Variants in ARGLU1 observed in about 807,000 individuals in gnomAD.
The protein encoded by ARGLU1 is arginine and glutamate-rich protein 1.
In ARGLU1, 9 loss-of-function variants were observed where a neutral mutation model predicts 37.6. The observed-to-expected ratio is 0.24, with a 90% CI of 0.14 to 0.42. The LOEUF is 0.42. Among genes scored for constraint, ARGLU1 ranks in the 10% least tolerant of loss-of-function variants. ARGLU1 has a pLI of 1.00. For missense variants in ARGLU1, 211 were observed against 359.2 expected, an observed-to-expected ratio of 0.59 and a Z score of 3.34; for synonymous variants, 166 against 138.5, an observed-to-expected ratio of 1.20 and a Z score of -1.39.
In ARGLU1 at chr13:106,543,083, G is replaced by A. The variant is rs1291386551; in HGVS notation, c.*913C>T. ...ACAGGTTTGAGAATTTAAATCTTCT[G>A]GATGTTGTTAGTCTTTCTTAAAGGT... On this transcript the variant is annotated 3_prime_UTR_variant, in exon 4 of 4. Coordinates refer to ENST00000400198, the MANE Select transcript of ARGLU1 (RefSeq NM_018011.4). 2 of 151,948 alleles carry A rather than the reference G, an allele frequency of 1.3e-5. No homozygotes were observed. The highest frequency in any genetic ancestry group is 2.9e-5 in the Non-Finnish European group (2 of 67,932). 9.4% of individuals were successfully genotyped at this position (151,948 alleles called of 1,614,324 possible).
rs894128204 is a variant in ARGLU1, at chr13:106,557,500, T to C, written c.574-369A>G. 2.3e-6 allele frequency: 3 copies of C among 1,307,036 alleles called. No homozygotes were observed. The highest frequency in any genetic ancestry group is 3.1e-6 in the Non-Finnish European group (3 of 977,500). The allele number at this position is 1,307,036 out of a possible 1,614,324, so 81.0% of individuals were successfully genotyped here. ...GTGAATATTTGTCTCACCAATTATG[T>C]ATACCTACGTATTCTTTACCTATAC... On this transcript the variant is annotated intron_variant, in intron 2 of 3. Coordinates refer to ENST00000400198, the MANE Select transcript of ARGLU1 (RefSeq NM_018011.4). The surrounding 1 kb of genome is among the most constrained non-coding windows in gnomAD (Gnocchi z 5.0).
intron 3 of ARGLU1, among the ~76,000 whole-genome samples, chr13:106,546,946 T>C (rs1880405682): frequency 6.6e-6 from 1 of 152,160 alleles, no homozygotes; most frequent in African/African-American, 2.4e-5. Flanking sequence ...AGTATTAAGA[T>C]GTGGGGCATT....
chr13:106,551,257 C>T (rs1206706754), intron 3 of ARGLU1, among the ~76,000 whole-genome samples: 1 of 152,130 alleles, frequency 6.6e-6, no homozygotes. Context: ...CTTTTCTTGC[C>T]ACTTTACTAT....
intron 1 of ARGLU1, among the ~76,000 whole-genome samples, chr13:106,565,704 A>G (rs963553270): frequency 6.6e-6 from 1 of 152,210 alleles, no homozygotes; most frequent in East Asian, 1.9e-4. Context: ...AGACATTAGA[A>G]TATATTAAAT....
chr13:106,554,632 A>G (rs566583256), intron 3 of ARGLU1, among the ~76,000 whole-genome samples: 1 of 152,284 alleles, frequency 6.6e-6, no homozygotes, highest in East Asian at 1.9e-4. Context: ...CACGCCTGTA[A>G]TCCCAGCACT....
chr13:106,559,754 ATAT>A, intron 1 of ARGLU1, 97 bp from the exon 2 acceptor site: 1 of 1,300,578 alleles, frequency 7.7e-7, no homozygotes, highest in Admixed American at 2.5e-5. Flanking sequence ...ATTGAGCCTG[ATAT>A]TATTCAGTGA....
At chr13:106,544,277 A>G (rs1312547662) in intron 3 of ARGLU1, 117 bp from the exon 4 acceptor site, 1 of 815,232 alleles carries the variant, frequency 1.2e-6, no homozygotes, top group Non-Finnish European at 1.7e-6. Context: ...CAAATGCAAA[A>G]AAGGGGGTAA....
intron 3 of ARGLU1, among the ~76,000 whole-genome samples, chr13:106,552,890 C>T (rs112521745): frequency 2.5e-4 from 38 of 152,092 alleles, no homozygotes; most frequent in African/African-American, 8.2e-4. Context: ...GTTGACAAAC[C>T]AAATATCTTG....
intron 1 of ARGLU1, among the ~76,000 whole-genome samples, chr13:106,560,716 C>T (rs1353974390): frequency 1.3e-5 from 2 of 152,110 alleles, no homozygotes; most frequent in Non-Finnish European, 2.9e-5. Context: ...TGAATAAATT[C>T]TGAGGCTCTT....
intron 1 of ARGLU1, among the ~76,000 whole-genome samples, chr13:106,564,818 C>A (rs1343053278): frequency 6.6e-6 from 1 of 152,180 alleles, no homozygotes; most frequent in Non-Finnish European, 1.5e-5. Context: ...AGGCACCATT[C>A]TCTTATCCCC....
chr13:106,562,695 TAA>T (rs1880843137), intron 1 of ARGLU1, among the ~76,000 whole-genome samples: 1 of 152,056 alleles, frequency 6.6e-6, no homozygotes, highest in Non-Finnish European at 1.5e-5. Context: ...TCAGGTATTT[TAA>T]AAACACTAGT....
Position 106,557,161 on chromosome 13 carries a change from A to T in ARGLU1, c.574-30T>A, listed in dbSNP as rs1338966626. The T allele has an allele frequency of 6.4e-7, 1 of 1,550,980 alleles. No homozygotes were observed. The highest frequency in any genetic ancestry group is 1.4e-5 in the African/African-American group (1 of 73,320). ...AGGGGAGGATATGTTAAGATATTAGAAAAACAAAATGTTTATTTTTATTGA... is the reference window on the plus strand; with the variant it reads ...AGGGGAGGATATGTTAAGATATTAGTAAAACAAAATGTTTATTTTTATTGA... On this transcript the variant is annotated intron_variant, in intron 2 of 3. Coordinates refer to ENST00000400198, the MANE Select transcript of ARGLU1 (RefSeq NM_018011.4). This position sits in a 1 kb window ranked among gnomAD's most constrained non-coding sequence, Gnocchi z 5.0.
chr13:106,566,092 G>A (rs1179671922), intron 1 of ARGLU1, among the ~76,000 whole-genome samples: 1 of 152,126 alleles, frequency 6.6e-6, no homozygotes, highest in East Asian at 1.9e-4. Flanking sequence ...TACAGCTAAG[G>A]GCCTTGTTGC....
rs35098197 is a variant in ARGLU1 at position 106,553,104 on chromosome 13, TA to T, written c.657+3943del. On this transcript the variant is annotated intron_variant, in intron 3 of 3. Coordinates refer to ENST00000400198, the MANE Select transcript of ARGLU1 (RefSeq NM_018011.4). Reference sequence around the variant, plus strand: ...CTTCTTTACTAGTATTTCTATGTGATAAAAAAAAGTGATATACATTACTTGT... The same window carrying T: ...CTTCTTTACTAGTATTTCTATGTGATAAAAAAAGTGATATACATTACTTGT... Among the ~76,000 whole-genome samples, 708 of 151,998 alleles carry T rather than the reference TA, an allele frequency of 4.7e-3. 1 individual carries two copies. The highest frequency in any genetic ancestry group is 9.8e-3 in the Admixed American group (149 of 15,254).
At chr13:106,551,907 C>T (rs1021335416) in intron 3 of ARGLU1, among the ~76,000 whole-genome samples, 5 of 152,294 alleles carry the variant, frequency 3.3e-5, no homozygotes, top group African/African-American at 1.2e-4. Context: ...GCATTTAAGG[C>T]CCACCAGATA....
chr13:106,554,740 C>A (rs1288011964), intron 3 of ARGLU1, among the ~76,000 whole-genome samples: 1 of 151,830 alleles, frequency 6.6e-6, no homozygotes, highest in African/African-American at 2.4e-5. Flanking sequence ...CAAAAATTAG[C>A]CAGGTGTGGT....
In ARGLU1 at chr13:106,543,394, T is replaced by C. The variant is rs1173017712; in HGVS notation, c.*602A>G. ...CACAATGGGGAATGCTGGTTTGATT[T>C]TGTCAATGAAATAAAAACAAAATGA... On this transcript the variant is annotated 3_prime_UTR_variant, in exon 4 of 4. Coordinates refer to ENST00000400198, the MANE Select transcript of ARGLU1 (RefSeq NM_018011.4). The C allele has an allele frequency of 1.3e-5, 2 of 152,544 alleles. No homozygotes were observed. Among genetic ancestry groups the C allele is most frequent in the Non-Finnish European group, 1.5e-5 (1 of 67,970 alleles). The allele number at this position is 152,544 out of a possible 1,614,324, so 9.4% of individuals were successfully genotyped here. A position where few individuals can be genotyped will look rare whatever the true frequency, so the allele number is the denominator to read the frequency against.
At chr13:106,560,805 T>C (rs150064479) in intron 1 of ARGLU1, among the ~76,000 whole-genome samples, 16 of 152,330 alleles carry the variant, frequency 1.1e-4, no homozygotes, top group Admixed American at 2.0e-4. Flanking sequence ...CCTTTATCTT[T>C]TGATCACTCA....
Position 106,559,241 on chromosome 13 carries a change from C to T in ARGLU1, c.573+191G>A, listed in dbSNP as rs1281396053. On this transcript the variant is annotated intron_variant, in intron 2 of 3. Coordinates refer to ENST00000400198, the MANE Select transcript of ARGLU1 (RefSeq NM_018011.4). ...CCTTGAATATGTTTTATAAAAGCTT[C>T]CAACTTTTAAGTTATCAGTCAGCAC... is the stretch of plus-strand genomic sequence containing the variant. The T allele has an allele frequency of 2.6e-6, 4 of 1,529,120 alleles. No individual in the cohort carries two copies. In the African/African-American group the frequency reaches 4.1e-5, roughly 16 times the overall value. 94.7% of individuals were successfully genotyped at this position (1,529,120 alleles called of 1,614,324 possible). A position where few individuals can be genotyped will look rare whatever the true frequency, so the allele number is the denominator to read the frequency against.
Sources: allele counts gnomAD v4.1 joint callset (sites outside exome capture counted in the v4.1 genomes callset), GRCh38; gene constraint gnomAD v4.1.1; non-coding constraint Gnocchi (gnomAD v3.1); transcripts MANE v1.5; gene names NCBI Gene and HGNC (gene_info 2026-07-23, HGNC 2026-07-21).